FOXN3: variants seen among roughly 807,000 people sequenced by gnomAD.
FOXN3 encodes the protein forkhead box N3.
A neutral mutation model predicts 38.4 loss-of-function variants in FOXN3; 7 were observed. The observed-to-expected ratio is 0.18, with a 90% CI of 0.10 to 0.34. The LOEUF (loss-of-function observed/expected upper bound fraction) is 0.34, where lower values mean the gene tolerates loss of function less well. FOXN3 is among the 10% of genes least tolerant of loss of function. FOXN3 has a pLI of 1.00. For missense variants in FOXN3, 456 were observed against 613.4 expected (o/e 0.74, Z 2.71); for synonymous variants, 230 against 242.2 (o/e 0.95, Z 0.47).
chr14:89,202,509 T>A (rs550107712), intron 4 of FOXN3, among the ~76,000 whole-genome samples: 5 of 152,334 alleles, frequency 3.3e-5, no homozygotes, highest in African/African-American at 9.6e-5. Context: ...TACAGTTTAA[T>A]GTGCTCGACC....
At chr14:89,364,346 T>C (rs1890066716) in intron 2 of FOXN3, 1 of 97,636 alleles carries the variant, frequency 1.0e-5, no homozygotes, top group Non-Finnish European at 1.9e-5. Flanking sequence ...TTTTTGTTTG[T>C]TTTTTTGTTT....
intron 3 of FOXN3, among the ~76,000 whole-genome samples, chr14:89,307,069 G>A (rs531278439): frequency 5.5e-4 from 83 of 152,210 alleles, no homozygotes; most frequent in African/African-American, 1.7e-3. Flanking sequence ...AACTTTAAAC[G>A]CGACCAAAAC....
intron 1 of FOXN3, among the ~76,000 whole-genome samples, chr14:89,477,527 T>A (rs1893235576): frequency 6.6e-6 from 1 of 152,220 alleles, no homozygotes; most frequent in African/African-American, 2.4e-5. Context: ...CTTTCGGCCT[T>A]GGGGCCTCAC....
chr14:89,573,417 C>A (rs1895535292), intron 1 of FOXN3, among the ~76,000 whole-genome samples: 2 of 152,148 alleles, frequency 1.3e-5, no homozygotes, highest in Non-Finnish European at 2.9e-5. Context: ...CGAGAAGAGC[C>A]TAGCCCTTAG....
intron 1 of FOXN3, among the ~76,000 whole-genome samples, chr14:89,414,372 A>G (rs2140099283): frequency 6.6e-6 from 1 of 152,200 alleles, no homozygotes; most frequent in East Asian, 1.9e-4. Context: ...TTAACACCAC[A>G]TCTAAAACAA....
chr14:89,394,642 T>C (rs1891057303), intron 2 of FOXN3, among the ~76,000 whole-genome samples: 1 of 152,234 alleles, frequency 6.6e-6, no homozygotes, highest in Non-Finnish European at 1.5e-5. Context: ...ATGCTCAACG[T>C]GGACATGCCT....
At chr14:89,570,241 C>T (rs534537805) in intron 1 of FOXN3, among the ~76,000 whole-genome samples, 3 of 152,252 alleles carry the variant, frequency 2.0e-5, no homozygotes, top group African/African-American at 4.8e-5. Flanking sequence ...CCTCGTGATC[C>T]GCCTGCCTCA....
intron 1 of FOXN3, among the ~76,000 whole-genome samples, chr14:89,595,425 T>C (rs1045563828): frequency 5.3e-5 from 8 of 152,184 alleles, no homozygotes; most frequent in African/African-American, 1.9e-4. Flanking sequence ...TGGTTTTCAA[T>C]ATAGGGGTCT....
rs184434947 is a variant in FOXN3 at position 89,372,923 on chromosome 14, G to A, written c.544-22115C>T. Among the ~76,000 whole-genome samples the A allele has an allele frequency of 6.4e-3, 974 of 152,186 alleles. 11 individuals are homozygous for A. The highest frequency in any genetic ancestry group is 0.022 in the African/African-American group (922 of 41,506). On this transcript the variant is annotated intron_variant, in intron 2 of 5. Coordinates refer to ENST00000557258, the MANE Select transcript of FOXN3 (RefSeq NM_005197.4). ...AGTGGCTCACACCTGTAATTCCAGC[G>A]CTTAGGCCAAGGCGGAAGGATCGCT... is the stretch of plus-strand genomic sequence containing the variant.
chr14:89,216,993 T>G lies in FOXN3; in HGVS notation c.746-36187A>C, dbSNP rs114867451. Among the ~76,000 whole-genome samples, 691 of 152,362 alleles carry G rather than the reference T, an allele frequency of 4.5e-3. 3 individuals carry two copies. Among genetic ancestry groups the G allele is most frequent in the African/African-American group, 0.016 (668 of 41,586 alleles). ...CTGCCCTTCCCCCAGCCTGGCCCTA[T>G]GCTGTGCTGATTCTGTTGAAGATAA... is the stretch of plus-strand genomic sequence containing the variant. On this transcript the variant is annotated intron_variant, in intron 4 of 5. Coordinates refer to ENST00000557258, the MANE Select transcript of FOXN3 (RefSeq NM_005197.4).
chr14:89,402,717 T>C (rs892316797), intron 2 of FOXN3, among the ~76,000 whole-genome samples: 3 of 152,216 alleles, frequency 2.0e-5, no homozygotes, highest in African/African-American at 7.2e-5. Context: ...GATGCCATCT[T>C]GGACCATGAG....
intron 1 of FOXN3, among the ~76,000 whole-genome samples, chr14:89,492,054 C>T (rs1893587134): frequency 6.6e-6 from 1 of 152,182 alleles, no homozygotes; most frequent in Non-Finnish European, 1.5e-5. Flanking sequence ...GAAAGGCCTG[C>T]TCCAGCACTC....
chr14:89,462,728 C>T (rs10151762), intron 1 of FOXN3, among the ~76,000 whole-genome samples: 12 of 150,058 alleles, frequency 8.0e-5, no homozygotes, highest in African/African-American at 2.7e-4. Flanking sequence ...TCTGTCGCCC[C>T]GGCTTGAGTG....
At chr14:89,382,285 C>T (rs1204828115) in intron 2 of FOXN3, among the ~76,000 whole-genome samples, 1 of 151,992 alleles carries the variant, frequency 6.6e-6, no homozygotes. Context: ...CCGGCTGGAC[C>T]GCTGACCCAT....
intron 1 of FOXN3, among the ~76,000 whole-genome samples, chr14:89,608,522 T>C (rs531692791): frequency 1.5e-4 from 23 of 152,370 alleles, no homozygotes; most frequent in African/African-American, 5.5e-4. Context: ...TATCTATATC[T>C]TACTGTAGGT....
At chr14:89,440,968 C>T (rs779876485) in intron 1 of FOXN3, among the ~76,000 whole-genome samples, 1 of 152,144 alleles carries the variant, frequency 6.6e-6, no homozygotes, top group Non-Finnish European at 1.5e-5. Context: ...GGTGGGTTCA[C>T]GTGTCCAAGC....
At chr14:89,366,329 C>A (rs1419981529) in intron 2 of FOXN3, among the ~76,000 whole-genome samples, 3 of 151,388 alleles carry the variant, frequency 2.0e-5, no homozygotes, top group Admixed American at 6.6e-5. Flanking sequence ...TGATAGGAAA[C>A]AGGAATGTAC....
chr14:89,558,943 C>T (rs566714111), intron 1 of FOXN3, among the ~76,000 whole-genome samples: 16 of 152,350 alleles, frequency 1.1e-4, no homozygotes, highest in Admixed American at 1.0e-3. Context: ...TATGAAACTT[C>T]TTCTGATTTA....
At chr14:89,317,243 C>G (rs1887746347) in intron 3 of FOXN3, among the ~76,000 whole-genome samples, 1 of 152,214 alleles carries the variant, frequency 6.6e-6, no homozygotes, top group Non-Finnish European at 1.5e-5. Flanking sequence ...GCACATGGCA[C>G]AGCTGTTTTA....
Sources: gnomAD v4.1 joint callset for allele counts (sites outside exome capture counted in the v4.1 genomes callset) on GRCh38, gnomAD v4.1.1 for gene constraint, MANE v1.5 for transcripts, NCBI Gene and HGNC (gene_info 2026-07-23, HGNC 2026-07-21) for gene names.